Variants in FBP1 observed in about 807,000 individuals in gnomAD.
FBP1 encodes the protein fructose-1,6-bisphosphatase 1.
FBP1 carries 22 observed loss-of-function variants against 29.9 expected under a neutral mutation model. That is an observed-to-expected ratio of 0.74 (90% CI 0.53 to 1.05). The LOEUF is 1.05. Among genes scored for constraint, FBP1 ranks in the 50% least tolerant of loss-of-function variants. The probability of loss-of-function intolerance (pLI) is 0.00; values close to 1 mark genes in which losing one functional copy is unlikely to be tolerated. For missense variants in FBP1, 345 were observed against 448.2 expected (o/e 0.77, Z 2.08); for synonymous variants, 175 against 178.6 (o/e 0.98, Z 0.16).
intron 6 of FBP1, among the ~76,000 whole-genome samples, 195 bp downstream of exon 6, chr9:94,605,262 T>C (rs1827679707): frequency 6.6e-6 from 1 of 152,178 alleles, no homozygotes; most frequent in Non-Finnish European, 1.5e-5. Flanking sequence ...CTGGAAGGGC[T>C]CTCAAGAGAC....
intron 1 of FBP1, among the ~76,000 whole-genome samples, chr9:94,625,566 C>T (rs963690466): frequency 2.0e-5 from 3 of 152,116 alleles, no homozygotes; most frequent in African/African-American, 4.8e-5. Context: ...GAGGCCGAGG[C>T]GAGCGGATCA....
At chr9:94,624,449 T>C (rs1433868842) in intron 1 of FBP1, among the ~76,000 whole-genome samples, 1 of 151,230 alleles carries the variant, frequency 6.6e-6, no homozygotes, top group Non-Finnish European at 1.5e-5. Context: ...GGTCAGAAAA[T>C]TGAGACCAGC....
chr9:94,605,681 T>A, intron 5 of FBP1, 105 bp from the exon 6 acceptor site: 1 of 1,128,170 alleles, frequency 8.9e-7, no homozygotes, highest in Non-Finnish European at 1.3e-6. Context: ...ACCGAGCACC[T>A]ACAAGGTATG....
chr9:94,622,515 C>T (rs1430621577), intron 1 of FBP1, among the ~76,000 whole-genome samples: 2 of 152,346 alleles, frequency 1.3e-5, no homozygotes, highest in East Asian at 1.9e-4. Context: ...AAACTGAGCC[C>T]CTCCTAGAAA....
intron 1 of FBP1, among the ~76,000 whole-genome samples, chr9:94,633,768 G>A (rs1194565769): frequency 2.0e-5 from 3 of 151,684 alleles, no homozygotes; most frequent in East Asian, 2.0e-4. Context: ...GCAGTGGCGC[G>A]ATCTCGGCTC....
intron 3 of FBP1, 27 bp downstream of exon 3, chr9:94,617,741 C>G (rs774024350): frequency 6.8e-7 from 1 of 1,478,920 alleles, no homozygotes; most frequent in Non-Finnish European, 9.5e-7. Context: ...TGTCCCCAAA[C>G]CAAGTGCTTA....
In FBP1 at chr9:94,603,554, A is replaced by G; in HGVS notation, c.844T>C (p.Cys282Arg). The G allele has an allele frequency of 6.2e-7, 1 of 1,614,176 alleles. No homozygotes were observed. The highest frequency in any genetic ancestry group is 1.1e-5 in the South Asian group (1 of 91,084). The change falls in exon 7 of 7, where the codon TGC (cysteine) becomes CGC (arginine). Residue 282 changes from cysteine to arginine, a missense_variant. By Grantham distance (180) the Cys-to-Arg change is radical. Coordinates refer to ENST00000375326, the MANE Select transcript of FBP1 (RefSeq NM_000507.4). ...TCCATGACGTAGGCCATGGGGTTGC[A>G]TTCGTACAGCAGTCTCAGCTGGAAA... ...PNGKLRLLYECNPMAYVMEKA... is the reference protein window; with the variant it reads ...PNGKLRLLYERNPMAYVMEKA...
At chr9:94,608,343 G>A (rs1181785686) in intron 4 of FBP1, among the ~76,000 whole-genome samples, 2 of 152,320 alleles carry the variant, frequency 1.3e-5, no homozygotes, top group Non-Finnish European at 1.5e-5. Flanking sequence ...CCTGCATTGC[G>A]CTTCCAAACA....
intron 1 of FBP1, among the ~76,000 whole-genome samples, chr9:94,636,339 A>G (rs1441041681): frequency 2.0e-5 from 3 of 151,992 alleles, no homozygotes; most frequent in African/African-American, 7.3e-5. Flanking sequence ...ATTATCCGGC[A>G]TGGTGGCACA....
At chr9:94,638,851 G>A (rs1381291005) in intron 1 of FBP1, among the ~76,000 whole-genome samples, 2 of 152,156 alleles carry the variant, frequency 1.3e-5, no homozygotes, top group Non-Finnish European at 2.9e-5. Context: ...GTACGAGGCA[G>A]GCTGCTCAGG....
Position 94,629,013 on chromosome 9 carries a change from G to A in FBP1, c.171-8522C>T, listed in dbSNP as rs1299673217. On this transcript the variant is annotated intron_variant, in intron 1 of 6. Transcript: ENST00000375326. Reference sequence around the variant, plus strand: ...TTTGTTTGTTTTGAGACAGAGTCTCGCTCCGTCACCCAGGCTGGAGTGCAA... The same window carrying A: ...TTTGTTTGTTTTGAGACAGAGTCTCACTCCGTCACCCAGGCTGGAGTGCAA... Among the ~76,000 whole-genome samples the A allele has an allele frequency of 3.3e-5, 5 of 152,056 alleles. No homozygotes were observed. The South Asian group carries it at 6.2e-4, about 19-fold the overall frequency.
chr9:94,636,641 G>T (rs1278409363), intron 1 of FBP1, among the ~76,000 whole-genome samples: 1 of 151,998 alleles, frequency 6.6e-6, no homozygotes, highest in Non-Finnish European at 1.5e-5. Context: ...CTCTCTAGGG[G>T]TGTGAAAGGT....
At chr9:94,627,572 C>T (rs748857561) in intron 1 of FBP1, among the ~76,000 whole-genome samples, 6 of 152,136 alleles carry the variant, frequency 3.9e-5, no homozygotes, top group East Asian at 1.9e-4. Context: ...TGCCATCCCC[C>T]GTCTGAAGTT....
rs932551994 is a variant in FBP1, at chr9:94,611,400, C to A, written c.427-1339G>T. Among the ~76,000 whole-genome samples the A allele has an allele frequency of 3.9e-5, 6 of 152,266 alleles. No homozygotes were observed. In the South Asian group the frequency reaches 1.2e-3, roughly 32 times the overall value. ...CATTCCAGGTAATTTCTTCCCATAA[C>A]TTTCAAAAGGGTGGCCCACAGAGCA... is the stretch of plus-strand genomic sequence containing the variant. On this transcript the variant is annotated intron_variant, in intron 3 of 6. Coordinates refer to ENST00000375326, the MANE Select transcript of FBP1 (RefSeq NM_000507.4).
intron 2 of FBP1, 134 bp downstream of exon 2, chr9:94,620,195 G>T: frequency 1.2e-6 from 1 of 866,004 alleles, no homozygotes; most frequent in Non-Finnish European, 1.9e-6. Context: ...TGAGGTGGAA[G>T]CTATGAAAAG....
Position 94,617,812 on chromosome 9 carries a change from C to T in FBP1, c.382G>A (p.Asp128Asn). 4.3e-6 allele frequency: 7 copies of T among 1,613,864 alleles called. No individual in the cohort carries two copies. Among genetic ancestry groups the T allele is most frequent in the African/African-American group, 2.7e-5 (2 of 75,012 alleles). ...ATGGTTCCAACGGACACAAGGCAAT[C>T]GATGTTGGAAGATCCATCAAGGGGA... The part of the protein sequence containing the change: ...FDPLDGSSNI[D>N]CLVSVGTIFG... Residue 128 changes from aspartate to asparagine, a missense_variant, in exon 3 of 7, where the codon GAT (aspartate) becomes AAT (asparagine). Physicochemically the swap from Asp to Asn is conservative, Grantham distance 23. Transcript: ENST00000375326.
chr9:94,634,288 T>C (rs4744361), intron 1 of FBP1, among the ~76,000 whole-genome samples: 140,766 of 147,584 alleles, frequency 0.95, 67,126 homozygotes, highest in East Asian at 1. Flanking sequence ...AGCGAGACTC[T>C]GCCTCAAAAA....
Position 94,603,461 on chromosome 9 carries a change from G to A in FBP1, c.937C>T (p.Gln313Ter), listed in dbSNP as rs1228867209. The change falls in exon 7 of 7, where the codon CAG (glutamine) becomes TAG (stop). Residue 313 changes from glutamine (Q) to a stop codon, truncating the protein, a stop_gained. Coordinates refer to ENST00000375326, the MANE Select transcript of FBP1 (RefSeq NM_000507.4). LOFTEE classifies it high-confidence loss of function. Reference protein sequence around the residue: ...VLDVIPTDIHQRAPVILGSPD... With the variant: ...VLDVIPTDIH ...GATCCCAAGATCACCGGCGCCCTCT[G>A]GTGAATGTCTGTGGGAATGACGTCT... 2 of 1,613,946 alleles carry A rather than the reference G, an allele frequency of 1.2e-6. No homozygotes were observed. The highest frequency in any genetic ancestry group is 1.7e-5 in the Admixed American group (1 of 59,996).
Position 94,618,959 on chromosome 9 carries a change from T to C in FBP1, c.334-1099A>G, listed in dbSNP as rs371322682. On this transcript the variant is annotated intron_variant, in intron 2 of 6. Transcript: ENST00000375326. Reference sequence around the variant, plus strand: ...TCACTGGGAGTTTTCCATCTCCAAATTAGCCACTTTACAATGTCGTTTTTA... The same window carrying C: ...TCACTGGGAGTTTTCCATCTCCAAACTAGCCACTTTACAATGTCGTTTTTA... Among the ~76,000 whole-genome samples, 10 of 152,318 alleles carry C rather than the reference T, an allele frequency of 6.6e-5. No individual in the cohort carries two copies. The East Asian group carries it at 1.2e-3, about 18-fold the overall frequency.
Sources: gnomAD v4.1 joint callset for allele counts (sites outside exome capture counted in the v4.1 genomes callset) on GRCh38, gnomAD v4.1.1 for gene constraint, MANE v1.5 for transcripts, NCBI Gene and HGNC (gene_info 2026-07-23, HGNC 2026-07-21) for gene names.